Variants in WWOX observed in about 807,000 individuals in gnomAD.
The protein encoded by WWOX is WW domain-containing oxidoreductase.
WWOX carries 69 observed loss-of-function variants against 46.2 expected under a neutral mutation model. The observed-to-expected ratio is 1.49, with a 90% confidence interval of 1.23 to 1.82. The LOEUF (loss-of-function observed/expected upper bound fraction) is 1.82, where lower values mean the gene tolerates loss of function less well. Among genes scored for constraint, WWOX ranks in the 40% most tolerant of loss-of-function variants. The pLI, the probability that WWOX is intolerant of heterozygous loss-of-function variation, is 0.00. For synonymous variants in WWOX, 359 were observed against 202.6 expected (o/e 1.77, Z -6.56); for missense variants, 919 against 542.6 (o/e 1.69, Z -6.89).
chr16:78,957,304 C>T (rs1030340661), intron 8 of WWOX, among the ~76,000 whole-genome samples: 3 of 152,226 alleles, frequency 2.0e-5, no homozygotes, highest in Middle Eastern at 3.2e-3. Flanking sequence ...TCTGAGAAAA[C>T]TTAGCATCTA....
chr16:78,737,169 G>T (rs1391384957), intron 8 of WWOX, among the ~76,000 whole-genome samples: 1 of 151,408 alleles, frequency 6.6e-6, no homozygotes, highest in African/African-American at 2.4e-5. Flanking sequence ...GTATGATCTC[G>T]GCTCACTACA....
At chr16:78,815,806 C>G (rs934247575) in intron 8 of WWOX, among the ~76,000 whole-genome samples, 3 of 152,222 alleles carry the variant, frequency 2.0e-5, no homozygotes, top group Non-Finnish European at 4.4e-5. Context: ...AGTGACCCTC[C>G]TCTTGCTGCT....
At chr16:78,478,318 G>C (rs959713585) in intron 8 of WWOX, among the ~76,000 whole-genome samples, 1 of 151,994 alleles carries the variant, frequency 6.6e-6, no homozygotes, top group Non-Finnish European at 1.5e-5. Context: ...CTTCTCAGAC[G>C]GTTTAAAATT....
At chr16:78,709,214 C>T (rs1379735724) in intron 8 of WWOX, among the ~76,000 whole-genome samples, 1 of 152,154 alleles carries the variant, frequency 6.6e-6, no homozygotes, top group Admixed American at 6.5e-5. Flanking sequence ...TCTGGAAAGC[C>T]CCCAGCCCTC....
At chr16:79,005,260 C>G (rs56873890) in intron 8 of WWOX, among the ~76,000 whole-genome samples, 1,858 of 152,246 alleles carry the variant, frequency 0.012, 35 homozygotes, top group African/African-American at 0.043. Context: ...GAGCCGATCT[C>G]CAGCCAAAGT....
At chr16:79,197,825 G>A (rs1302540147) in intron 8 of WWOX, among the ~76,000 whole-genome samples, 1 of 152,128 alleles carries the variant, frequency 6.6e-6, no homozygotes, top group Non-Finnish European at 1.5e-5. Context: ...CATGATGATG[G>A]GAAGTCCTTA....
intron 5 of WWOX, among the ~76,000 whole-genome samples, chr16:78,371,556 A>G (rs976493409): frequency 1.5e-4 from 23 of 152,138 alleles, no homozygotes; most frequent in Admixed American, 1.4e-3. Context: ...TAAATGGTTA[A>G]TCTCTTCTAC....
intron 4 of WWOX, among the ~76,000 whole-genome samples, chr16:78,158,745 T>G (rs7185712): frequency 6.6e-6 from 1 of 151,928 alleles, no homozygotes; most frequent in East Asian, 1.9e-4. Context: ...GTATGATTGA[T>G]GTACAAAAAG....
chr16:78,644,900 T>C (rs1236467674), intron 8 of WWOX, among the ~76,000 whole-genome samples: 1 of 152,216 alleles, frequency 6.6e-6, no homozygotes, highest in African/African-American at 2.4e-5. Flanking sequence ...GTTAGGAATA[T>C]AGATAGGAAT....
At chr16:78,286,898 AT>A (rs2079776782) in intron 5 of WWOX, among the ~76,000 whole-genome samples, 1 of 152,178 alleles carries the variant, frequency 6.6e-6, no homozygotes, top group African/African-American at 2.4e-5. Flanking sequence ...TTTTAAAAAA[AT>A]GTCCTGCAGA....
chr16:78,444,972 T>C (rs2083525172), intron 8 of WWOX, among the ~76,000 whole-genome samples: 3 of 152,140 alleles, frequency 2.0e-5, no homozygotes, highest in African/African-American at 7.2e-5. Flanking sequence ...AGGTACCATT[T>C]AAGCTCCATA....
intron 8 of WWOX, among the ~76,000 whole-genome samples, chr16:78,933,796 A>C (rs60209796): frequency 6.6e-6 from 1 of 151,978 alleles, no homozygotes; most frequent in Admixed American, 6.5e-5. Flanking sequence ...CCGTAATTCA[A>C]TTACCTCCCA....
chr16:79,050,350 T>C (rs2048143658), intron 8 of WWOX, among the ~76,000 whole-genome samples: 1 of 152,198 alleles, frequency 6.6e-6, no homozygotes, highest in Admixed American at 6.5e-5. Context: ...CTCCTCCACA[T>C]GTCTCTCATC....
chr16:78,398,827 T>C (rs1207839766), intron 6 of WWOX, among the ~76,000 whole-genome samples: 1 of 152,218 alleles, frequency 6.6e-6, no homozygotes, highest in Non-Finnish European at 1.5e-5. Context: ...TGAATATTTA[T>C]AAAGCGTAGT....
chr16:78,146,490 C>T (rs1567597658), intron 4 of WWOX, among the ~76,000 whole-genome samples: 1 of 152,146 alleles, frequency 6.6e-6, no homozygotes, highest in Non-Finnish European at 1.5e-5. Flanking sequence ...CTGGAAGCTC[C>T]TCCGTGCATC....
intron 8 of WWOX, among the ~76,000 whole-genome samples, chr16:78,643,178 T>A (rs1361549682): frequency 6.6e-6 from 1 of 152,168 alleles, no homozygotes; most frequent in Non-Finnish European, 1.5e-5. Context: ...CTTGTAATAT[T>A]TGCAGCATGT....
intron 8 of WWOX, among the ~76,000 whole-genome samples, chr16:78,610,679 T>C (rs2045880154): frequency 6.6e-6 from 1 of 152,278 alleles, no homozygotes; most frequent in Admixed American, 6.5e-5. Context: ...GGGGTGCTAG[T>C]TTTTATATTA....
At chr16:78,151,173 G>A (rs1000821278) in intron 4 of WWOX, among the ~76,000 whole-genome samples, 1 of 151,850 alleles carries the variant, frequency 6.6e-6, no homozygotes, top group Non-Finnish European at 1.5e-5. Flanking sequence ...CCCCATGCCT[G>A]GCCAATTTCA....
At chr16:79,147,462 A>G (rs1403345334) in intron 8 of WWOX, among the ~76,000 whole-genome samples, 3 of 152,190 alleles carry the variant, frequency 2.0e-5, no homozygotes, top group Admixed American at 1.3e-4. Flanking sequence ...GTAGTATTCC[A>G]TGGTATTGTA....
Sources: gnomAD v4.1 joint callset for allele counts (sites outside exome capture counted in the v4.1 genomes callset) on GRCh38, gnomAD v4.1.1 for gene constraint, MANE v1.5 for transcripts, NCBI Gene and HGNC (gene_info 2026-07-23, HGNC 2026-07-21) for gene names.